The following SPTLC3 variants were observed in gnomAD, a reference collection of about 807,000 sequenced individuals.
SPTLC3 encodes serine palmitoyltransferase long chain base subunit 3, also known as serine palmitoyltransferase 3.
SPTLC3 carries 36 observed loss-of-function variants against 59.3 expected under a neutral mutation model. The ratio of observed to expected loss-of-function variants is 0.61; its 90% CI spans 0.47 to 0.80. The LOEUF is 0.80. Among genes scored for constraint, SPTLC3 ranks in the 30% least tolerant of loss-of-function variants. SPTLC3 has a pLI of 0.00. For synonymous variants in SPTLC3, 257 were observed against 240.8 expected, an observed-to-expected ratio of 1.07 and a Z score of -0.62; for missense variants, 625 against 685.1, an observed-to-expected ratio of 0.91 and a Z score of 0.98.
chr20:13,067,615 T>C (rs243881), intron 2 of SPTLC3, among the ~76,000 whole-genome samples: 62,211 of 152,054 alleles, frequency 0.41, 12,837 homozygotes, highest in Middle Eastern at 0.56. Context: ...GTAGGATTCA[T>C]ATAAGTACTG....
Position 13,164,867 on chromosome 20 carries a change from A to G in SPTLC3, c.1659A>G (p.Ter553=), listed in dbSNP as rs2038964471. ...YDETSFELED[*] ...AGACGAGCTTTGAACTCGAAGATTA[A>G]GTTTCCTGGTCCTGAATGACACATA... The change falls in exon 12 of 12, where the codon TAA becomes TAG. Residue 553 remains the stop codon, a stop_retained_variant. Transcript: ENST00000399002. 6.2e-7 allele frequency: 1 copy of G among 1,611,538 alleles called. No homozygotes were observed.
chr20:13,036,521 T>C (rs1228195708), intron 1 of SPTLC3, among the ~76,000 whole-genome samples: 2 of 152,186 alleles, frequency 1.3e-5, no homozygotes, highest in South Asian at 4.1e-4. Context: ...TAGTATATAA[T>C]ATAAATAACA....
chr20:13,053,342 A>G (rs1269664340), intron 2 of SPTLC3, among the ~76,000 whole-genome samples: 1 of 152,166 alleles, frequency 6.6e-6, no homozygotes, highest in Non-Finnish European at 1.5e-5. Flanking sequence ...AGAAAGGAAT[A>G]GCGTCAACAT....
intron 2 of SPTLC3, 76 bp from the exon 3 acceptor site, chr20:13,072,177 GTCT>G: frequency 4.1e-6 from 6 of 1,458,062 alleles, no homozygotes; most frequent in South Asian, 1.4e-5. Flanking sequence ...GCTCTTCCAG[GTCT>G]TCTTCCCTGC....
intron 10 of SPTLC3, among the ~76,000 whole-genome samples, chr20:13,158,464 G>C (rs2038823428): frequency 6.6e-6 from 1 of 152,182 alleles, no homozygotes; most frequent in Non-Finnish European, 1.5e-5. Context: ...CATGCAGACA[G>C]TGAAAGCGGT....
chr20:13,024,843 G>T (rs1600211614), intron 1 of SPTLC3, among the ~76,000 whole-genome samples: 1 of 152,104 alleles, frequency 6.6e-6, no homozygotes, highest in South Asian at 2.1e-4. Flanking sequence ...TTTGTCTTTA[G>T]TGTAATCTCT....
At chr20:13,155,829 AAAT>A (rs1005510598) in intron 10 of SPTLC3, among the ~76,000 whole-genome samples, 4 of 152,126 alleles carry the variant, frequency 2.6e-5, no homozygotes, top group African/African-American at 7.2e-5. Context: ...CCGTCTAAAA[AAAT>A]AATAATAATA....
chr20:13,153,782 G>C (rs958742191), intron 9 of SPTLC3, among the ~76,000 whole-genome samples: 1 of 152,060 alleles, frequency 6.6e-6, no homozygotes, highest in Non-Finnish European at 1.5e-5. Flanking sequence ...GCAGCACCTC[G>C]TAGAACCCTC....
chr20:13,029,045 G>A (rs979782151), intron 1 of SPTLC3, among the ~76,000 whole-genome samples: 2 of 152,130 alleles, frequency 1.3e-5, no homozygotes, highest in African/African-American at 4.8e-5. Context: ...CTCCGAAGGA[G>A]CCCTTGACAG....
At chr20:13,154,738 C>T (rs1235016074) in intron 10 of SPTLC3, among the ~76,000 whole-genome samples, 1 of 152,208 alleles carries the variant, frequency 6.6e-6, no homozygotes, top group Non-Finnish European at 1.5e-5. Context: ...GGGTTGTTTA[C>T]TTGATTGCAA....
chr20:13,139,497 A>G (rs2038330231), intron 9 of SPTLC3, among the ~76,000 whole-genome samples: 1 of 152,216 alleles, frequency 6.6e-6, no homozygotes, highest in Admixed American at 6.5e-5. Flanking sequence ...TCCAGCTTCA[A>G]TGTACGGTTT....
In SPTLC3 at chr20:13,128,028, A is replaced by G. The variant is rs115786843; in HGVS notation, c.1279+1311A>G. Among the ~76,000 whole-genome samples the G allele has an allele frequency of 5.8e-3, 880 of 152,376 alleles. 7 individuals carry two copies. Among genetic ancestry groups the G allele is most frequent in the African/African-American group, 0.02 (851 of 41,596 alleles). ...TATTCAACCCTGAGCAAGTTACTCA[A>G]CTTCTCTGTACTTCAATTCATCCAG... On this transcript the variant is annotated intron_variant, in intron 9 of 11. Transcript: ENST00000399002.
At chr20:13,076,507 T>C (rs1988650869) in intron 4 of SPTLC3, among the ~76,000 whole-genome samples, 1 of 148,016 alleles carries the variant, frequency 6.8e-6, no homozygotes, top group Non-Finnish European at 1.5e-5. Context: ...TAAAAATAGT[T>C]TTCAATGTTC....
intron 9 of SPTLC3, among the ~76,000 whole-genome samples, chr20:13,153,604 A>C (rs2038699205): frequency 6.6e-6 from 1 of 151,840 alleles, no homozygotes; most frequent in Non-Finnish European, 1.5e-5. Context: ...AGCATCTACC[A>C]ATATCTGCTA....
intron 1 of SPTLC3, among the ~76,000 whole-genome samples, chr20:13,037,291 A>G (rs761491700): frequency 4.6e-5 from 7 of 152,164 alleles, no homozygotes; most frequent in Non-Finnish European, 8.8e-5. Context: ...GCTATCTTGG[A>G]CTAATTATGC....
rs144258613 is a variant in SPTLC3, at chr20:13,155,887, T to C, written c.1415+1749T>C. On this transcript the variant is annotated intron_variant, in intron 10 of 11. Transcript: ENST00000399002. ...ACATCATTCCCACCAGTTGGCCCTTTGTTCACAGATCTGGGTCAGGAAAAC... is the reference window on the plus strand; with the variant it reads ...ACATCATTCCCACCAGTTGGCCCTTCGTTCACAGATCTGGGTCAGGAAAAC... Among the ~76,000 whole-genome samples, 879 of 152,322 alleles carry C rather than the reference T, an allele frequency of 5.8e-3. 5 individuals carry two copies. The highest frequency in any genetic ancestry group is 0.034 in the Middle Eastern group (10 of 294).
At chr20:13,019,517 C>G (rs1434107006) in intron 1 of SPTLC3, among the ~76,000 whole-genome samples, 1 of 152,162 alleles carries the variant, frequency 6.6e-6, no homozygotes, top group Non-Finnish European at 1.5e-5. Context: ...TCCACCTTCA[C>G]TTTCCTGAGT....
At chr20:13,092,163 A>G (rs149866545) in intron 5 of SPTLC3, among the ~76,000 whole-genome samples, 31 of 152,370 alleles carry the variant, frequency 2.0e-4, no homozygotes, top group African/African-American at 7.0e-4. Flanking sequence ...TATTTAGGAC[A>G]CGAAGAGGGA....
At chr20:13,065,525 T>C (rs1485417376) in intron 2 of SPTLC3, among the ~76,000 whole-genome samples, 1 of 152,012 alleles carries the variant, frequency 6.6e-6, no homozygotes. Context: ...TAATAATGTA[T>C]TCTATTAACA....
Sources: gnomAD v4.1 joint callset for allele counts (sites outside exome capture counted in the v4.1 genomes callset) on GRCh38, gnomAD v4.1.1 for gene constraint, MANE v1.5 for transcripts, NCBI Gene and HGNC (gene_info 2026-07-23, HGNC 2026-07-21) for gene names.